Variants in AP1M1 observed in about 807,000 individuals in gnomAD.
AP1M1 encodes AP-1 complex subunit mu-1.
A neutral mutation model predicts 57.1 loss-of-function variants in AP1M1; 18 were observed. The observed-to-expected ratio is 0.32, with a 90% CI of 0.22 to 0.47. The LOEUF is 0.47. AP1M1 is among the 20% of genes least tolerant of loss of function. The pLI is 1.00. For synonymous variants in AP1M1, 241 were observed against 237.9 expected (o/e 1.01, Z -0.12); for missense variants, 362 against 593.5 (o/e 0.61, Z 4.05).
intron 6 of AP1M1, among the ~76,000 whole-genome samples, chr19:16,226,942 T>G (rs1035750361): frequency 1.1e-4 from 16 of 152,258 alleles, no homozygotes; most frequent in African/African-American, 3.9e-4. Context: ...TCCCGCCGCC[T>G]GGCCTCTAAC....
rs2091470451 is a variant in AP1M1, at chr19:16,206,584, A to G, written c.267+176A>G. ...CAACTCCCCACGCCTGTGGAATTCT[A>G]TAGCTCACGTTGCTCCCCTACCGTG... is the stretch of plus-strand genomic sequence containing the variant. On this transcript the variant is annotated intron_variant, in intron 3 of 11. Transcript: ENST00000291439. The surrounding 1 kb of genome is among the most constrained non-coding windows in gnomAD (Gnocchi z 4.3). 3.9e-5 allele frequency: 26 copies of G among 674,990 alleles called. 1 individual carries two copies. The highest frequency in any genetic ancestry group is 2.6e-4 in the South Asian group (15 of 57,580). The allele number at this position is 674,990 out of a possible 1,614,324, so 41.8% of individuals were successfully genotyped here. A position where few individuals can be genotyped will look rare whatever the true frequency, so the allele number is the denominator to read the frequency against.
chr19:16,205,382 G>T (rs1161252835), intron 2 of AP1M1, among the ~76,000 whole-genome samples: 1 of 152,178 alleles, frequency 6.6e-6, no homozygotes. Context: ...CCATGAGAAG[G>T]TGAGAGGCCC....
In AP1M1 at chr19:16,227,463, C is replaced by T. The variant is rs2305938; in HGVS notation, c.674-85C>T. 0.097 allele frequency: 145,635 copies of T among 1,502,600 alleles called. 8,801 individuals are homozygous for T. The highest frequency in any genetic ancestry group is 0.35 in the East Asian group (15,283 of 43,522). 93.1% of individuals were successfully genotyped at this position (1,502,600 alleles called of 1,614,324 possible). ...GCGTGGACTGGGGGCCCTGCTCTGC[C>T]GGGGTGGGTTGCAGGTGGTAGGAGT... On this transcript the variant is annotated intron_variant, in intron 6 of 11. Coordinates refer to ENST00000291439, the MANE Select transcript of AP1M1 (RefSeq NM_032493.4). The surrounding 1 kb of genome is among the most constrained non-coding windows in gnomAD (Gnocchi z 6.2).
At position 16,227,533 on chromosome 19, in the gene AP1M1, C is replaced by A; in HGVS notation, c.674-15C>A. On this transcript the variant is annotated splice_polypyrimidine_tract_variant and intron_variant, in intron 6 of 11. Transcript: ENST00000291439. The surrounding 1 kb of genome is among the most constrained non-coding windows in gnomAD (Gnocchi z 6.2). ...GGAGGGCCCAGATCTGTCCTACCCT[C>A]ACCCCTGACCCCAGGCGGCAAAAGC... The A allele has an allele frequency of 1.2e-6, 2 of 1,613,132 alleles. No individual in the cohort carries two copies. The highest frequency in any genetic ancestry group is 1.7e-6 in the Non-Finnish European group (2 of 1,179,278).
chr19:16,202,082 C>T (rs974289373), intron 1 of AP1M1, among the ~76,000 whole-genome samples: 5 of 152,174 alleles, frequency 3.3e-5, no homozygotes, highest in Admixed American at 2.0e-4. Flanking sequence ...TCCCTCAACA[C>T]GTCATCACCT....
intron 5 of AP1M1, among the ~76,000 whole-genome samples, chr19:16,223,846 A>G (rs28488225): frequency 0.015 from 2,259 of 152,282 alleles, 45 homozygotes; most frequent in African/African-American, 0.042. Flanking sequence ...TGGCAGGGGA[A>G]GGGGCGCCAG....
chr19:16,238,721 G>GTTT lies in AP1M1; in HGVS notation c.*4286_*4287insTTT. The GTTT allele has an allele frequency of 9.2e-6, 1 of 108,824 alleles. No individual in the cohort carries two copies. Among genetic ancestry groups the GTTT allele is most frequent in the African/African-American group, 3.7e-5 (1 of 26,860 alleles). The allele number at this position is 108,824 out of a possible 1,614,324, so 6.7% of individuals were successfully genotyped here. A position where few individuals can be genotyped will look rare whatever the true frequency, so the allele number is the denominator to read the frequency against. On this transcript the variant is annotated 3_prime_UTR_variant, in exon 12 of 12. Transcript: ENST00000291439. ...GGCTTGTTCTGTATTCTTTCTTTAT[G>GTTT]CTTTTTTTTTTTTTTTTTGACAGGG...
At chr19:16,226,881 C>G (rs1257252305) in intron 6 of AP1M1, 1 of 222,762 alleles carries the variant, frequency 4.5e-6, no homozygotes, top group African/African-American at 2.2e-5. Flanking sequence ...TCTCCCCTCA[C>G]CTTGGGCCCT....
chr19:16,198,805 C>CTT (rs60626435), intron 1 of AP1M1, among the ~76,000 whole-genome samples: 8 of 150,948 alleles, frequency 5.3e-5, no homozygotes, highest in East Asian at 3.9e-4. Flanking sequence ...AAAACAGTCC[C>CTT]TTTTTTTTTG....
intron 4 of AP1M1, among the ~76,000 whole-genome samples, chr19:16,208,415 A>C (rs2091479310): frequency 6.6e-6 from 1 of 152,128 alleles, no homozygotes. Flanking sequence ...GCTACTAAGG[A>C]GTCACCTCCC....
intron 5 of AP1M1, among the ~76,000 whole-genome samples, chr19:16,225,234 T>A (rs1022671414): frequency 1.1e-4 from 16 of 152,198 alleles, no homozygotes; most frequent in African/African-American, 3.9e-4. Flanking sequence ...ACATCATGCA[T>A]AAGACTGCAC....
intron 5 of AP1M1, among the ~76,000 whole-genome samples, chr19:16,212,728 G>A (rs1568350266): frequency 6.6e-6 from 1 of 152,162 alleles, no homozygotes; most frequent in Non-Finnish European, 1.5e-5. Flanking sequence ...TTTGATGTGG[G>A]CATGTAGTGC....
intron 5 of AP1M1, among the ~76,000 whole-genome samples, chr19:16,211,722 C>T (rs2091494890): frequency 6.6e-6 from 1 of 151,900 alleles, no homozygotes; most frequent in East Asian, 1.9e-4. Flanking sequence ...CGCACTCCAG[C>T]CTGGGCGACA....
At chr19:16,217,364 C>T (rs992109486) in intron 5 of AP1M1, among the ~76,000 whole-genome samples, 2 of 152,110 alleles carry the variant, frequency 1.3e-5, no homozygotes, top group African/African-American at 4.8e-5. Context: ...CACACACAGG[C>T]ATGCTGTTGG....
chr19:16,198,003 C>T lies in AP1M1; in HGVS notation c.-24C>T, dbSNP rs752129181. On this transcript the variant is annotated 5_prime_UTR_variant, in exon 1 of 12. Coordinates refer to ENST00000291439, the MANE Select transcript of AP1M1 (RefSeq NM_032493.4). ...CTGCCGCCGCCACCGCCCTCGGCCG[C>T]TGCCGAGGCCTCCTGCAGCCATCAT... The T allele has an allele frequency of 1.3e-6, 2 of 1,569,086 alleles. No homozygotes were observed. The highest frequency in any genetic ancestry group is 1.7e-6 in the Non-Finnish European group (2 of 1,162,522).
chr19:16,226,740 G>C, intron 6 of AP1M1, 193 bp downstream of exon 6: 1 of 721,870 alleles, frequency 1.4e-6, no homozygotes, highest in Non-Finnish European at 2.1e-6. Flanking sequence ...GCAGGGGAGT[G>C]AAGATCCTCC....
At chr19:16,199,742 G>A (rs1398989250) in intron 1 of AP1M1, among the ~76,000 whole-genome samples, 1 of 152,220 alleles carries the variant, frequency 6.6e-6, no homozygotes, top group East Asian at 1.9e-4. Flanking sequence ...CTTAGAGCAC[G>A]CCAGGGGCTG....
At chr19:16,201,595 A>C (rs1568346848) in intron 1 of AP1M1, among the ~76,000 whole-genome samples, 2 of 152,008 alleles carry the variant, frequency 1.3e-5, no homozygotes, top group South Asian at 2.1e-4. Flanking sequence ...ACAGGGTTTC[A>C]CCATATTGGT....
At position 16,237,933 on chromosome 19, in the gene AP1M1, C is replaced by T. The variant is rs2091631447; in HGVS notation, c.*3498C>T. 1 of 151,902 alleles carries T rather than the reference C, an allele frequency of 6.6e-6. No individual in the cohort carries two copies. Among genetic ancestry groups the T allele is most frequent in the Non-Finnish European group, 1.5e-5 (1 of 68,000 alleles). The allele number at this position is 151,902 out of a possible 1,614,324, so 9.4% of individuals were successfully genotyped here. On this transcript the variant is annotated 3_prime_UTR_variant, in exon 12 of 12. Transcript: ENST00000291439. ...CACGGCTCACTGCAGCCTCGAGCTG[C>T]CAGGCTCAGCCAATCCTGCCTCAGC...
Sources: gnomAD v4.1 joint callset for allele counts (sites outside exome capture counted in the v4.1 genomes callset) on GRCh38, gnomAD v4.1.1 for gene constraint, Gnocchi (gnomAD v3.1) non-coding constraint, MANE v1.5 for transcripts, NCBI Gene and HGNC (gene_info 2026-07-23, HGNC 2026-07-21) for gene names.